Variants in SLIT2 observed in about 807,000 individuals in gnomAD.
SLIT2 encodes the protein slit guidance ligand 2.
Under a neutral mutation model 185.7 loss-of-function variants are expected in SLIT2, and 41 were observed. That is an observed-to-expected ratio of 0.22 (90% CI 0.17 to 0.29). The LOEUF (loss-of-function observed/expected upper bound fraction) is 0.29. Among genes scored for constraint, SLIT2 ranks in the 10% least tolerant of loss-of-function variants. SLIT2 has a pLI of 1.00. For synonymous variants in SLIT2, 693 were observed against 680.2 expected (o/e 1.02, Z -0.29); for missense variants, 1,571 against 1,909.0 (o/e 0.82, Z 3.30).
intron 9 of SLIT2, among the ~76,000 whole-genome samples, 163 bp from the exon 10 acceptor site, chr4:20,510,332 A>G (rs75242050): frequency 0.02 from 3,027 of 152,252 alleles, 49 homozygotes; most frequent in East Asian, 0.074. Flanking sequence ...TTTGCTTCAC[A>G]TTTAGGGACA....
Position 20,567,318 on chromosome 4 carries a change from A to G in SLIT2, c.2782A>G (p.Lys928Glu). The change falls in exon 27 of 37, where the codon AAA (lysine) becomes GAA (glutamate). Residue 928 changes from lysine to glutamate, a missense_variant. Transcript: ENST00000504154. ...KCNPCLSNPCKNDGTCNSDPV... is the reference protein window; with the variant it reads ...KCNPCLSNPCENDGTCNSDPV... ...TAACCCCTGCCTATCAAATCCGTGT[A>G]AAAATGATGGCACATGTAATAGTGA... The G allele has an allele frequency of 9.3e-6, 15 of 1,612,692 alleles. No individual in the cohort carries two copies. The highest frequency in any genetic ancestry group is 1.3e-5 in the African/African-American group (1 of 74,950).
At chr4:20,544,754 A>G (rs1426349960) in intron 21 of SLIT2, among the ~76,000 whole-genome samples, 4 of 152,144 alleles carry the variant, frequency 2.6e-5, no homozygotes, top group Non-Finnish European at 4.4e-5. Context: ...AATCAGTTCC[A>G]TATAACTTCC....
intron 34 of SLIT2, among the ~76,000 whole-genome samples, chr4:20,612,547 A>T (rs541720458): frequency 1.5e-4 from 23 of 152,280 alleles, no homozygotes; most frequent in Middle Eastern, 3.4e-3. Context: ...GTAAGACCAC[A>T]GCCTTGAATG....
At position 20,528,915 on chromosome 4, in the gene SLIT2, T is replaced by C. The variant is rs754621812; in HGVS notation, c.1463-34T>C. 1.3e-6 allele frequency: 2 copies of C among 1,567,204 alleles called. No homozygotes were observed. Among genetic ancestry groups the C allele is most frequent in the South Asian group, 2.3e-5 (2 of 87,518 alleles). ...CTAATAAATTTTCTAACCTTTAGAC[T>C]CAGTATCTTTTTTTTGGTTTGAATT... On this transcript the variant is annotated intron_variant, in intron 15 of 36. Transcript: ENST00000504154. The surrounding 1 kb of genome is among the most constrained non-coding windows in gnomAD (Gnocchi z 4.2).
intron 30 of SLIT2, among the ~76,000 whole-genome samples, chr4:20,593,623 T>C (rs1193279274): frequency 1.3e-5 from 2 of 152,094 alleles, no homozygotes; most frequent in Non-Finnish European, 2.9e-5. Flanking sequence ...AGATCTGAAA[T>C]ATTTTCACCA....
chr4:20,281,399 G>T (rs1714757163), intron 4 of SLIT2, among the ~76,000 whole-genome samples: 1 of 152,176 alleles, frequency 6.6e-6, no homozygotes, highest in Non-Finnish European at 1.5e-5. Context: ...GTTGGAAGCA[G>T]GGACCATCAT....
At chr4:20,463,583 A>C (rs943145983) in intron 4 of SLIT2, among the ~76,000 whole-genome samples, 6 of 147,316 alleles carry the variant, frequency 4.1e-5, no homozygotes, top group Non-Finnish European at 7.5e-5. Flanking sequence ...TAGATTTAAA[A>C]AATTTTCAAG....
chr4:20,255,170 G>A (rs898396707), intron 1 of SLIT2: 6 of 397,052 alleles, frequency 1.5e-5, no homozygotes, highest in African/African-American at 6.3e-5. Flanking sequence ...TTCGTCCCGC[G>A]GCCTCTTTGC....
intron 4 of SLIT2, among the ~76,000 whole-genome samples, chr4:20,371,595 C>T (rs1433000729): frequency 6.6e-6 from 1 of 152,018 alleles, no homozygotes; most frequent in Non-Finnish European, 1.5e-5. Flanking sequence ...TTTCAGGCTT[C>T]CTGTGCCTAA....
chr4:20,382,214 A>G (rs1252755436), intron 4 of SLIT2, among the ~76,000 whole-genome samples: 1 of 152,134 alleles, frequency 6.6e-6, no homozygotes, highest in Admixed American at 6.6e-5. Context: ...ACTTCTGCAA[A>G]CTGACAAAGG....
intron 4 of SLIT2, among the ~76,000 whole-genome samples, chr4:20,413,321 G>A (rs946440607): frequency 1.3e-5 from 2 of 151,876 alleles, no homozygotes; most frequent in African/African-American, 4.8e-5. Flanking sequence ...ATTTCATTGT[G>A]TTAAAATAAC....
intron 4 of SLIT2, among the ~76,000 whole-genome samples, chr4:20,348,229 C>T (rs1721586728): frequency 6.6e-6 from 1 of 151,868 alleles, no homozygotes; most frequent in South Asian, 2.1e-4. Flanking sequence ...GCCCAAGACT[C>T]ATGTTTTTTG....
intron 18 of SLIT2, among the ~76,000 whole-genome samples, chr4:20,535,553 C>A (rs893179872): frequency 6.6e-6 from 1 of 151,990 alleles, no homozygotes; most frequent in Non-Finnish European, 1.5e-5. Flanking sequence ...TGTCTTCAGG[C>A]GGCCATAATG....
chr4:20,537,719 G>T (rs961273830), intron 18 of SLIT2, among the ~76,000 whole-genome samples: 2 of 152,062 alleles, frequency 1.3e-5, no homozygotes, highest in African/African-American at 4.8e-5. Flanking sequence ...GTTAATCCTA[G>T]AATAGTTTTA....
intron 8 of SLIT2, 144 bp downstream of exon 8, chr4:20,489,126 C>G (rs1717537993): frequency 1.9e-6 from 1 of 513,836 alleles, no homozygotes; most frequent in East Asian, 3.2e-5. Context: ...TCCTCTTTTT[C>G]AGTGAAAATA....
intron 4 of SLIT2, among the ~76,000 whole-genome samples, chr4:20,278,824 GAGGGCGTGTGGAGGGGGA>G (rs1452126198): frequency 2.1e-5 from 3 of 140,512 alleles, no homozygotes; most frequent in East Asian, 2.3e-4. Flanking sequence ...GCGGTGGGGG[GAGGGCGTGTGGAGGGGGA>G]AGCGAGAGGT....
chr4:20,548,336 C>T (rs760062614), intron 22 of SLIT2, 152 bp from the exon 23 acceptor site: 106 of 584,104 alleles, frequency 1.8e-4, no homozygotes, highest in Non-Finnish European at 2.6e-4. Flanking sequence ...GCAATCTACT[C>T]CAGTGGGTCG....
intron 4 of SLIT2, among the ~76,000 whole-genome samples, chr4:20,284,732 C>A (rs1715103862): frequency 6.6e-6 from 1 of 152,156 alleles, no homozygotes; most frequent in Non-Finnish European, 1.5e-5. Flanking sequence ...AAAGGGCTGT[C>A]CTACAACACT....
chr4:20,465,736 T>C (rs1714267699), intron 4 of SLIT2, among the ~76,000 whole-genome samples: 1 of 152,176 alleles, frequency 6.6e-6, no homozygotes, highest in African/African-American at 2.4e-5. Flanking sequence ...CATTTCACAA[T>C]TTTTTCTACA....
Sources: allele counts gnomAD v4.1 joint callset (sites outside exome capture counted in the v4.1 genomes callset), GRCh38; gene constraint gnomAD v4.1.1; non-coding constraint Gnocchi (gnomAD v3.1); transcripts MANE v1.5; gene names NCBI Gene and HGNC (gene_info 2026-07-23, HGNC 2026-07-21).